The following ARFGEF2 variants were observed in gnomAD, a reference collection of about 807,000 sequenced individuals.
The protein encoded by ARFGEF2 is brefeldin A-inhibited guanine nucleotide-exchange protein 2.
A neutral mutation model predicts 219.9 loss-of-function variants in ARFGEF2; 74 were observed. That is an observed-to-expected ratio of 0.34 (90% CI 0.28 to 0.41). ARFGEF2 has a LOEUF of 0.41. Among genes scored for constraint, ARFGEF2 ranks in the 10% least tolerant of loss-of-function variants. ARFGEF2 has a pLI of 1.00. For missense variants in ARFGEF2, 1,743 were observed against 2,218.3 expected, an observed-to-expected ratio of 0.79 and a Z score of 4.30; for synonymous variants, 733 against 799.2, an observed-to-expected ratio of 0.92 and a Z score of 1.40.
chr20:49,025,608 G>A lies in ARFGEF2; in HGVS notation c.4924+127G>A, dbSNP rs1454320330. ...ACTTAACAGATATTTTCATGCTTGA[G>A]GGGGAGAGAAGGGAAATGTTGGATA... is the stretch of plus-strand genomic sequence containing the variant. On this transcript the variant is annotated intron_variant, in intron 36 of 38. Transcript: ENST00000371917. 5.6e-6 allele frequency: 6 copies of A among 1,071,170 alleles called. No homozygotes were observed. The African/African-American group carries it at 7.8e-5, about 14-fold the overall frequency. The allele number at this position is 1,071,170 out of a possible 1,614,324, so 66.4% of individuals were successfully genotyped here.
chr20:48,932,616 A>G (rs1176944319), intron 1 of ARFGEF2, among the ~76,000 whole-genome samples: 1 of 152,228 alleles, frequency 6.6e-6, no homozygotes, highest in African/African-American at 2.4e-5. Flanking sequence ...ATCTGATAAT[A>G]GTCCTGCTGA....
chr20:48,946,635 C>T (rs1600598704), intron 3 of ARFGEF2, among the ~76,000 whole-genome samples: 1 of 151,998 alleles, frequency 6.6e-6, no homozygotes, highest in East Asian at 1.9e-4. Flanking sequence ...AGGTGATCCT[C>T]CCATCTCAGC....
chr20:48,959,131 A>G (rs1001582414), intron 6 of ARFGEF2, among the ~76,000 whole-genome samples: 24 of 152,324 alleles, frequency 1.6e-4, no homozygotes, highest in African/African-American at 5.8e-4. Flanking sequence ...AGGCAGAGGT[A>G]CTTGCCAGTC....
intron 21 of ARFGEF2, among the ~76,000 whole-genome samples, chr20:48,991,524 A>G (rs1274289335): frequency 1.3e-5 from 2 of 151,004 alleles, no homozygotes; most frequent in African/African-American, 4.9e-5. Flanking sequence ...TCCTGTGATC[A>G]ATGTGTAATT....
At chr20:49,005,505 G>T (rs977167992) in intron 26 of ARFGEF2, among the ~76,000 whole-genome samples, 1 of 152,066 alleles carries the variant, frequency 6.6e-6, no homozygotes, top group South Asian at 2.1e-4. Context: ...TTAGGAGGCC[G>T]AGGCGGGTGG....
chr20:49,014,821 A>G (rs2091520742), intron 30 of ARFGEF2, among the ~76,000 whole-genome samples: 1 of 152,180 alleles, frequency 6.6e-6, no homozygotes, highest in East Asian at 1.9e-4. Flanking sequence ...AATCTTTTTA[A>G]ATTTAAATAT....
intron 33 of ARFGEF2, 35 bp downstream of exon 33, chr20:49,017,585 T>C (rs1238455211): frequency 6.8e-6 from 11 of 1,611,416 alleles, no homozygotes; most frequent in Non-Finnish European, 9.3e-6. Context: ...TTGTCTTTTC[T>C]TTTTTCTATC....
chr20:49,025,504 A>G (rs1408561243), intron 36 of ARFGEF2, 23 bp downstream of exon 36: 22 of 1,613,268 alleles, frequency 1.4e-5, no homozygotes, highest in Non-Finnish European at 1.9e-5. Context: ...AGCAGATAAG[A>G]TAGATGGCCA....
At chr20:48,994,799 G>A (rs2123473493) in intron 22 of ARFGEF2, among the ~76,000 whole-genome samples, 1 of 152,300 alleles carries the variant, frequency 6.6e-6, no homozygotes, top group Middle Eastern at 3.4e-3. Flanking sequence ...TTTTACCAAA[G>A]TCAGTAGGGT....
At chr20:48,953,082 GT>G (rs767581463) in intron 5 of ARFGEF2, among the ~76,000 whole-genome samples, 198 bp downstream of exon 5, 1 of 151,674 alleles carries the variant, frequency 6.6e-6, no homozygotes, top group Non-Finnish European at 1.5e-5. Flanking sequence ...TTCAGAATTT[GT>G]TTGGAGACTG....
chr20:48,967,193 A>G lies in ARFGEF2; in HGVS notation c.1059+1170A>G, dbSNP rs572908478. ...TTGAGGATGCGCTTAAATCTATACA[A>G]GGGACTCGTGTTATATGCTAAGCTG... On this transcript the variant is annotated intron_variant, in intron 8 of 38. Coordinates refer to ENST00000371917, the MANE Select transcript of ARFGEF2 (RefSeq NM_006420.3). 5.6e-4 allele frequency among the ~76,000 whole-genome samples: 86 copies of G among 152,308 alleles called. 1 individual carries two copies. The highest frequency in any genetic ancestry group is 2.1e-3 in the South Asian group (10 of 4,820).
intron 15 of ARFGEF2, 57 bp downstream of exon 15, chr20:48,984,897 T>G (rs1279653481): frequency 3.1e-6 from 5 of 1,611,316 alleles, no homozygotes; most frequent in Non-Finnish European, 3.4e-6. Flanking sequence ...TTGTGAGCCC[T>G]TACCAGTTTT....
intron 28 of ARFGEF2, among the ~76,000 whole-genome samples, chr20:49,012,679 T>C (rs1238324588): frequency 2.0e-5 from 3 of 152,160 alleles, no homozygotes; most frequent in Non-Finnish European, 2.9e-5. Context: ...TAAGGTGATA[T>C]GTCTCATCTC....
rs2091238502 is a variant in ARFGEF2 at position 48,973,125 on chromosome 20, CT to C, written c.1526-18del. Reference sequence around the variant, plus strand: ...TGCTATTTGATCAGAATTTCTGATACTTGTATGTTATTTTCCAAGATGCCCA... The same window carrying C: ...TGCTATTTGATCAGAATTTCTGATACTGTATGTTATTTTCCAAGATGCCCA... On this transcript the variant is annotated intron_variant, in intron 11 of 38. Transcript: ENST00000371917. The C allele has an allele frequency of 1.9e-6, 3 of 1,613,734 alleles. No homozygotes were observed. Among genetic ancestry groups the C allele is most frequent in the Non-Finnish European group, 2.5e-6 (3 of 1,179,824 alleles).
chr20:48,942,575 C>G (rs571849339), intron 3 of ARFGEF2, among the ~76,000 whole-genome samples: 1 of 139,820 alleles, frequency 7.2e-6, no homozygotes, highest in East Asian at 2.2e-4. Context: ...ACGTCTGCTT[C>G]TCGGGTTCAA....
chr20:48,989,125 T>C (rs1177316962), intron 18 of ARFGEF2, among the ~76,000 whole-genome samples, 160 bp from the exon 19 acceptor site: 3 of 152,190 alleles, frequency 2.0e-5, no homozygotes, highest in Non-Finnish European at 4.4e-5. Context: ...CTGCCTCATT[T>C]TTCCCATCTG....
intron 1 of ARFGEF2, among the ~76,000 whole-genome samples, chr20:48,925,351 A>G (rs1263108608): frequency 1.3e-5 from 2 of 152,218 alleles, no homozygotes; most frequent in African/African-American, 4.8e-5. Flanking sequence ...AAACTTTGAT[A>G]TATATTAATA....
At chr20:48,956,596 A>G (rs1317190756) in intron 6 of ARFGEF2, among the ~76,000 whole-genome samples, 2 of 151,992 alleles carry the variant, frequency 1.3e-5, no homozygotes, top group East Asian at 1.9e-4. Flanking sequence ...TTTTTTGAGA[A>G]TGAGTCTCGC....
Position 48,971,964 on chromosome 20 carries a change from T to C in ARFGEF2, c.1426-362T>C, listed in dbSNP as rs140953905. On this transcript the variant is annotated intron_variant, in intron 10 of 38. Transcript: ENST00000371917. ...TTCATTTTAACCAATATGGTCTGTC[T>C]GCTGGGCTCAGCCCCCTAAACATAT... Among the ~76,000 whole-genome samples the C allele has an allele frequency of 7.9e-5, 12 of 152,360 alleles. No homozygotes were observed. In the East Asian group the frequency reaches 2.3e-3, roughly 29 times the overall value.
Sources: gnomAD v4.1 joint callset for allele counts (sites outside exome capture counted in the v4.1 genomes callset) on GRCh38, gnomAD v4.1.1 for gene constraint, MANE v1.5 for transcripts, NCBI Gene and HGNC (gene_info 2026-07-23, HGNC 2026-07-21) for gene names.